VEGFC: variants seen among roughly 807,000 people sequenced by gnomAD.
VEGFC encodes the protein vascular endothelial growth factor C, also known as FLT4 ligand DHM.
A neutral mutation model predicts 46.1 loss-of-function variants in VEGFC; 12 were observed. The observed-to-expected ratio is 0.26, with a 90% CI of 0.17 to 0.42. The LOEUF (loss-of-function observed/expected upper bound fraction) is 0.42. Among genes scored for constraint, VEGFC ranks in the 10% least tolerant of loss-of-function variants. The pLI is 1.00. For missense variants in VEGFC, 488 were observed against 529.4 expected (o/e 0.92, Z 0.77); for synonymous variants, 232 against 195.5 (o/e 1.19, Z -1.56).
chr4:176,745,443 G>A (rs558005486), intron 1 of VEGFC, among the ~76,000 whole-genome samples: 172 of 152,110 alleles, frequency 1.1e-3, no homozygotes, highest in African/African-American at 3.9e-3. Flanking sequence ...GCCAGGAACC[G>A]AGGATTTATC....
At position 176,687,891 on chromosome 4, in the gene VEGFC, G is replaced by A. The variant is rs1734074739; in HGVS notation, c.741C>T (p.Tyr247=). 1 of 1,613,358 alleles carries A rather than the reference G, an allele frequency of 6.2e-7. No individual in the cohort carries two copies. The highest frequency in any genetic ancestry group is 1.3e-5 in the African/African-American group (1 of 75,010). The part of the protein sequence containing the change: ...QAANKTCPTN[Y]MWNNHICRCL... The stretch of plus-strand genomic sequence containing the variant: ...ATCTGCAGATGTGATTATTCCACAT[G>A]TAATTGGTGGGGCAGGTCTTGTTCG... Residue 247 remains tyrosine, a synonymous_variant, in exon 5 of 7, where the codon TAC becomes TAT. Transcript: ENST00000618562.
intron 1 of VEGFC, among the ~76,000 whole-genome samples, chr4:176,743,763 A>G (rs534861155): frequency 6.6e-6 from 1 of 151,852 alleles, no homozygotes; most frequent in African/African-American, 2.4e-5. Context: ...ATTTAATAGT[A>G]TATGTTATTC....
At chr4:176,692,496 A>G (rs1442176571) in intron 4 of VEGFC, among the ~76,000 whole-genome samples, 1 of 134,672 alleles carries the variant, frequency 7.4e-6, no homozygotes, top group Non-Finnish European at 1.5e-5. Context: ...AGTCTCGCTG[A>G]TTGCTAGCAC....
In VEGFC at chr4:176,729,639, T is replaced by C. The variant is rs1255205901; in HGVS notation, c.255A>G (p.Leu85=). The C allele has an allele frequency of 6.2e-7, 1 of 1,613,760 alleles. No homozygotes were observed. Among genetic ancestry groups the C allele is most frequent in the Non-Finnish European group, 8.5e-7 (1 of 1,179,910 alleles). Residue 85 remains leucine, a synonymous_variant, in exon 2 of 7, where the codon CTA becomes CTG. Coordinates refer to ENST00000618562, the MANE Select transcript of VEGFC (RefSeq NM_005429.5). ...PEYWKMYKCQ[L]RKGGWQHNRE... is the part of the protein sequence containing the mutation. ...TGTTATGTTGCCAGCCTCCTTTCCTTAGCTGACACTTGTACATTTTCCAAT... is the reference window on the plus strand; with the variant it reads ...TGTTATGTTGCCAGCCTCCTTTCCTCAGCTGACACTTGTACATTTTCCAAT...
intron 1 of VEGFC, among the ~76,000 whole-genome samples, chr4:176,767,231 G>A (rs1023314084): frequency 6.6e-6 from 1 of 151,298 alleles, no homozygotes; most frequent in Non-Finnish European, 1.5e-5. Flanking sequence ...GTCAAAAGAT[G>A]TCCAACTTCA....
chr4:176,784,592 A>AC (rs763944568), intron 1 of VEGFC, among the ~76,000 whole-genome samples: 71 of 149,338 alleles, frequency 4.8e-4, no homozygotes, highest in East Asian at 1.0e-3. Context: ...CTAAAAAAAT[A>AC]TAAAAAAAAA....
Position 176,687,530 on chromosome 4 carries a change from T to C in VEGFC, c.812-10A>G, listed in dbSNP as rs1560932477. On this transcript the variant is annotated splice_polypyrimidine_tract_variant and intron_variant, in intron 5 of 6. Coordinates refer to ENST00000618562, the MANE Select transcript of VEGFC (RefSeq NM_005429.5). ...AATCCATCTGTTGAGTCTAGACAAA[T>C]AGTCAGAGAATCTTTACTATACCTT... 1.9e-6 allele frequency: 3 copies of C among 1,564,608 alleles called. No individual in the cohort carries two copies. The highest frequency in any genetic ancestry group is 2.6e-6 in the Non-Finnish European group (3 of 1,157,364).
At chr4:176,722,795 C>T (rs1476400802) in intron 3 of VEGFC, among the ~76,000 whole-genome samples, 1 of 152,092 alleles carries the variant, frequency 6.6e-6, no homozygotes, top group African/African-American at 2.4e-5. Context: ...CCACAGTGCC[C>T]AGCGAAGCCT....
intron 3 of VEGFC, among the ~76,000 whole-genome samples, chr4:176,715,922 C>G (rs965620307): frequency 2.6e-5 from 4 of 152,098 alleles, no homozygotes; most frequent in African/African-American, 9.7e-5. Context: ...GAGAAACAGA[C>G]AGTAATTAGA....
In VEGFC at chr4:176,683,930, C is replaced by T. The variant is rs1560930747; in HGVS notation, c.1256G>A (p.Ser419Asn). Residue 419 changes from serine to asparagine, a missense_variant, in exon 7 of 7, where the codon AGC (serine) becomes AAC (asparagine). Transcript: ENST00000618562. ...VPSYWKRPQM[S>N] ...GAACTGGAAAACAGTACAATCTTAGCTCATTTGTGGTCTTTTCCAATATGA... is the reference window on the plus strand; with the variant it reads ...GAACTGGAAAACAGTACAATCTTAGTTCATTTGTGGTCTTTTCCAATATGA... 1 of 1,610,810 alleles carries T rather than the reference C, an allele frequency of 6.2e-7. No individual in the cohort carries two copies. The highest frequency in any genetic ancestry group is 1.7e-5 in the Admixed American group (1 of 60,024).
At chr4:176,715,068 CT>C (rs1424111415) in intron 3 of VEGFC, among the ~76,000 whole-genome samples, 1 of 152,028 alleles carries the variant, frequency 6.6e-6, no homozygotes, top group Non-Finnish European at 1.5e-5. Context: ...AAATGGAAGA[CT>C]TTTTTACAGT....
intron 1 of VEGFC, among the ~76,000 whole-genome samples, chr4:176,776,327 G>A (rs1735812577): frequency 6.6e-6 from 1 of 152,306 alleles, no homozygotes; most frequent in African/African-American, 2.4e-5. Flanking sequence ...TTTCTCTTAT[G>A]AGCAAGAACT....
At position 176,711,663 on chromosome 4, in the gene VEGFC, G is replaced by A. The variant is rs1053005535; in HGVS notation, c.553-13C>T. ...TAATTTCAAATAACTACAAAGAAGG[G>A]ACAAAAAGAAGAAAAAATTATATAG... On this transcript the variant is annotated splice_polypyrimidine_tract_variant and intron_variant, in intron 3 of 6. Transcript: ENST00000618562. The A allele has an allele frequency of 2.4e-5, 38 of 1,608,220 alleles. No homozygotes were observed. Among genetic ancestry groups the A allele is most frequent in the Non-Finnish European group, 3.1e-5 (37 of 1,178,042 alleles).
At chr4:176,784,588 A>C (rs1209260089) in intron 1 of VEGFC, among the ~76,000 whole-genome samples, 5 of 151,390 alleles carry the variant, frequency 3.3e-5, no homozygotes, top group Admixed American at 3.3e-4. Context: ...TCTACTAAAA[A>C]AATATAAAAA....
intron 1 of VEGFC, among the ~76,000 whole-genome samples, chr4:176,737,813 T>C (rs1192987754): frequency 6.6e-6 from 1 of 151,898 alleles, no homozygotes; most frequent in East Asian, 1.9e-4. Context: ...TATATTTATA[T>C]ATCTTTATAA....
chr4:176,718,216 G>A (rs958377703), intron 3 of VEGFC, among the ~76,000 whole-genome samples: 2 of 152,214 alleles, frequency 1.3e-5, no homozygotes, highest in African/African-American at 2.4e-5. Context: ...GATAAAACCT[G>A]ATTTCCAAAA....
intron 1 of VEGFC, among the ~76,000 whole-genome samples, chr4:176,788,092 T>G (rs1045791009): frequency 7.9e-5 from 12 of 152,226 alleles, no homozygotes; most frequent in African/African-American, 2.2e-4. Flanking sequence ...CCAAATCCAC[T>G]TATTTGTGAA....
intron 4 of VEGFC, among the ~76,000 whole-genome samples, chr4:176,700,487 A>C (rs562605929): frequency 5.8e-4 from 88 of 152,152 alleles, no homozygotes; most frequent in Non-Finnish European, 1.1e-3. Flanking sequence ...GTAATCTGCC[A>C]CATAAAAAAC....
At chr4:176,698,744 C>T (rs992404665) in intron 4 of VEGFC, among the ~76,000 whole-genome samples, 2 of 152,078 alleles carry the variant, frequency 1.3e-5, no homozygotes, top group African/African-American at 2.4e-5. Flanking sequence ...GTGGTGACCA[C>T]TCTTCTATTC....
Sources: gnomAD v4.1 joint callset for allele counts (sites outside exome capture counted in the v4.1 genomes callset) on GRCh38, gnomAD v4.1.1 for gene constraint, MANE v1.5 for transcripts, NCBI Gene and HGNC (gene_info 2026-07-23, HGNC 2026-07-21) for gene names.